BNC1: variants seen among roughly 807,000 people sequenced by gnomAD.
BNC1 encodes the protein zinc finger protein basonuclin-1.
BNC1 carries 8 observed loss-of-function variants against 66.5 expected under a neutral mutation model. That is an observed-to-expected ratio of 0.12 (90% confidence interval 0.07 to 0.22). The LOEUF (loss-of-function observed/expected upper bound fraction) is 0.22. Ranked by LOEUF, BNC1 falls within the 10% of genes least tolerant of loss-of-function variation. The pLI is 1.00. For synonymous variants in BNC1, 454 were observed against 452.6 expected, an observed-to-expected ratio of 1.00 and a Z score of -0.04; for missense variants, 1,069 against 1,241.3, an observed-to-expected ratio of 0.86 and a Z score of 2.09.
chr15:83,274,585 T>G (rs1434330339), intron 1 of BNC1, among the ~76,000 whole-genome samples: 3 of 152,174 alleles, frequency 2.0e-5, no homozygotes, highest in African/African-American at 4.8e-5. Context: ...GCATCTGCTT[T>G]TTGACGTGGT....
rs779346098 is a variant in BNC1, at chr15:83,263,273, G to C, written c.1978C>G (p.Pro660Ala). 1.9e-6 allele frequency: 3 copies of C among 1,614,210 alleles called. No homozygotes were observed. The highest frequency in any genetic ancestry group is 2.5e-6 in the Non-Finnish European group (3 of 1,180,036). The change falls in exon 4 of 5, where the codon CCT (proline) becomes GCT (alanine). Residue 660 changes from proline to alanine, a missense_variant. Physicochemically the swap from Pro to Ala is conservative, Grantham distance 27. Around this residue, in one of 7 missense-constraint regions of BNC1, gnomAD observed 657 missense variants for 715.8 expected, o/e 0.92. Coordinates refer to ENST00000345382, the MANE Select transcript of BNC1 (RefSeq NM_001717.4). ...EDGGHEHYFT[P>A]GMEPQVPFSD... ...AAAGGAACTTGGGGTTCCATCCCAG[G>C]TGTGAAGTAGTGTTCATGGCCACCA... is the stretch of plus-strand genomic sequence containing the variant.
chr15:83,284,501 C>T (rs2038423302), intron 1 of BNC1, 29 bp downstream of exon 1: 1 of 1,196,806 alleles, frequency 8.4e-7, no homozygotes, highest in African/African-American at 1.6e-5. Flanking sequence ...ACAGAGAATC[C>T]CCGCGCCCGC....
At position 83,257,616 on chromosome 15, in the gene BNC1, G is replaced by A. The variant is rs1157916634; in HGVS notation, c.2811C>T (p.Tyr937=). 1 of 1,614,148 alleles carries A rather than the reference G, an allele frequency of 6.2e-7. No homozygotes were observed. The highest frequency in any genetic ancestry group is 8.5e-7 in the Non-Finnish European group (1 of 1,180,028). The part of the protein sequence containing the change: ...PITCHLCQKT[Y]SNKGTFRAHY... ...GGGCCCTAAAGGTCCCTTTGTTACT[G>A]TATGTCTTTTGGCAGAGATGACAGG... is the stretch of plus-strand genomic sequence containing the variant. Residue 937 remains tyrosine (Y), a synonymous_variant, in exon 5 of 5, where the codon TAC becomes TAT. Transcript: ENST00000345382.
In BNC1 at chr15:83,263,727, G is replaced by C. The variant is rs1474909147; in HGVS notation, c.1524C>G (p.Leu508=). ...AAGAGGACAACAGCGGGAGGGAAGG[G>C]AGTATCCCAGGCGTGTTTGCTACCT... is the stretch of plus-strand genomic sequence containing the variant. The part of the protein sequence containing the change: ...PAEVANTPGI[L]PSLPLLSSSI... The change falls in exon 4 of 5, where the codon CTC becomes CTG. Residue 508 remains leucine, a synonymous_variant. Coordinates refer to ENST00000345382, the MANE Select transcript of BNC1 (RefSeq NM_001717.4). The C allele has an allele frequency of 1.2e-6, 2 of 1,614,250 alleles. No individual in the cohort carries two copies. Among genetic ancestry groups the C allele is most frequent in the Non-Finnish European group, 8.5e-7 (1 of 1,180,042 alleles).
intron 1 of BNC1, among the ~76,000 whole-genome samples, chr15:83,274,401 T>A (rs931513624): frequency 7.2e-5 from 11 of 152,122 alleles, no homozygotes; most frequent in Non-Finnish European, 1.3e-4. Context: ...AATAAATAAA[T>A]AAAATGTAAA....
At position 83,284,524 on chromosome 15, in the gene BNC1, G is replaced by A; in HGVS notation, c.99+6C>T. On this transcript the variant is annotated splice_donor_region_variant and intron_variant, in intron 1 of 4. Coordinates refer to ENST00000345382, the MANE Select transcript of BNC1 (RefSeq NM_001717.4). ...TCCCCGCGCCCGCGGAGGGCGCCGC[G>A]CTTACCTCGGCCATCCTGCGACCGC... 1.7e-6 allele frequency: 2 copies of A among 1,194,442 alleles called. No homozygotes were observed. Among genetic ancestry groups the A allele is most frequent in the South Asian group, 1.9e-5 (1 of 51,554 alleles). 74.0% of individuals were successfully genotyped at this position (1,194,442 alleles called of 1,614,324 possible).
intron 1 of BNC1, among the ~76,000 whole-genome samples, chr15:83,274,286 G>A (rs1260495801): frequency 6.6e-6 from 1 of 152,196 alleles, no homozygotes; most frequent in Admixed American, 6.5e-5. Flanking sequence ...AGGGGAGGCT[G>A]AGCCAGGAGA....
At chr15:83,277,536 C>T (rs1183943226) in intron 1 of BNC1, among the ~76,000 whole-genome samples, 2 of 152,160 alleles carry the variant, frequency 1.3e-5, no homozygotes, top group Non-Finnish European at 2.9e-5. Flanking sequence ...GTCTCTATCT[C>T]CTGACCTCAT....
chr15:83,264,630 G>T lies in BNC1; in HGVS notation c.621C>A (p.Phe207Leu). 6.2e-7 allele frequency: 1 copy of T among 1,614,182 alleles called. No individual in the cohort carries two copies. The highest frequency in any genetic ancestry group is 8.5e-7 in the Non-Finnish European group (1 of 1,180,036). ...AACTCCTGTGACTGCAGCTCTCGATGAAAGCCCTGATATCTACATTTGCTG... is the reference window on the plus strand; with the variant it reads ...AACTCCTGTGACTGCAGCTCTCGATTAAAGCCCTGATATCTACATTTGCTG... ...PSTANVDIRA[F>L]IESCSHRSSS... The change falls in exon 4 of 5, where the codon TTC becomes TTA. Residue 207 changes from phenylalanine to leucine, a missense_variant. Phe to Leu is a conservative substitution (Grantham distance 22). Around this residue, in one of 7 missense-constraint regions of BNC1, gnomAD observed 181 missense variants for 181.5 expected, o/e 1.00. Transcript: ENST00000345382.
intron 1 of BNC1, among the ~76,000 whole-genome samples, chr15:83,276,210 C>T (rs1413175257): frequency 6.6e-6 from 1 of 152,194 alleles, no homozygotes; most frequent in Non-Finnish European, 1.5e-5. Context: ...TTACTGCTGC[C>T]AGACCCACAA....
rs1351578318 is a variant in BNC1 at position 83,264,347 on chromosome 15, C to G, written c.904G>C (p.Asp302His). 19 of 1,613,982 alleles carry G rather than the reference C, an allele frequency of 1.2e-5. No homozygotes were observed. The highest frequency in any genetic ancestry group is 1.5e-5 in the Non-Finnish European group (18 of 1,180,032). Residue 302 changes from aspartate (D) to histidine (H), a missense_variant, in exon 4 of 5, where the codon GAT (aspartate) becomes CAT (histidine). By Grantham distance (81) the Asp-to-His change is moderately conservative (BLOSUM62 -1). Around this residue, in one of 7 missense-constraint regions of BNC1, gnomAD observed 181 missense variants for 181.5 expected, o/e 1.00. Transcript: ENST00000345382. ...GCATCCGGACAGTTTAAACACTGATCTTTTTCAACCTGAAATGGTGTGGAA... is the reference window on the plus strand; with the variant it reads ...GCATCCGGACAGTTTAAACACTGATGTTTTTCAACCTGAAATGGTGTGGAA... ...SSSTPFQVEKDQCLNCPDAIT... is the reference protein window; with the variant it reads ...SSSTPFQVEKHQCLNCPDAIT...
Position 83,284,553 on chromosome 15 carries a change from G to A in BNC1, c.76C>T (p.Arg26Cys), listed in dbSNP as rs1190682745. 8.7e-7 allele frequency: 1 copy of A among 1,149,236 alleles called. No individual in the cohort carries two copies. Among genetic ancestry groups the A allele is most frequent in the Non-Finnish European group, 1.1e-6 (1 of 930,660 alleles). The allele number at this position is 1,149,236 out of a possible 1,614,324, so 71.2% of individuals were successfully genotyped here. ...ARETRRQPRH[R>C]SGRRMAEAIS... ...ACCTCGGCCATCCTGCGACCGCTGC[G>A]GTGCCGGGGCTGCCGGCGCGTCTCC... Residue 26 changes from arginine to cysteine, a missense_variant, in exon 1 of 5, where the codon CGC becomes TGC. Around this residue, in one of 7 missense-constraint regions of BNC1, gnomAD observed 78 missense variants for 80.9 expected, o/e 0.96. Transcript: ENST00000345382.
chr15:83,276,235 G>C (rs1023626836), intron 1 of BNC1, among the ~76,000 whole-genome samples: 3 of 152,162 alleles, frequency 2.0e-5, no homozygotes, highest in Non-Finnish European at 4.4e-5. Flanking sequence ...TAAGTTCTTC[G>C]GTCTTCTGGG....
At chr15:83,276,829 T>C (rs2038327867) in intron 1 of BNC1, among the ~76,000 whole-genome samples, 1 of 152,220 alleles carries the variant, frequency 6.6e-6, no homozygotes, top group Non-Finnish European at 1.5e-5. Context: ...ATGCAGTTTC[T>C]AGTTTACACA....
At chr15:83,266,167 C>T (rs1210532130) in intron 3 of BNC1, among the ~76,000 whole-genome samples, 4 of 139,516 alleles carry the variant, frequency 2.9e-5, no homozygotes. Flanking sequence ...AACTACTCTG[C>T]AAAATAAAGA....
chr15:83,273,468 A>C (rs1354170583), intron 1 of BNC1, among the ~76,000 whole-genome samples: 1 of 152,238 alleles, frequency 6.6e-6, no homozygotes, highest in Non-Finnish European at 1.5e-5. Context: ...CATAAAGCAG[A>C]TGTTTACAAC....
intron 1 of BNC1, among the ~76,000 whole-genome samples, chr15:83,276,382 C>A (rs559128880): frequency 6.6e-6 from 1 of 152,198 alleles, no homozygotes; most frequent in Non-Finnish European, 1.5e-5. Flanking sequence ...TAGCACTGGG[C>A]CTGATACTTG....
rs761893885 is a variant in BNC1, at chr15:83,257,502, T to C, written c.2925A>G (p.Arg975=). The C allele has an allele frequency of 1.9e-6, 3 of 1,614,212 alleles. No individual in the cohort carries two copies. Among genetic ancestry groups the C allele is most frequent in the Non-Finnish European group, 2.5e-6 (3 of 1,180,042 alleles). ...TGTGCAGGTTGGGATTCTGGCTGTGTCTGTTTCGACTGCGAACAGACGAAA... is the reference window on the plus strand; with the variant it reads ...TGTGCAGGTTGGGATTCTGGCTGTGCCTGTTTCGACTGCGAACAGACGAAA... The part of the protein sequence containing the change: ...TMFSSVRSRN[R]HSQNPNLHKS... Residue 975 remains arginine (R), a synonymous_variant, in exon 5 of 5, where the codon AGA becomes AGG. Transcript: ENST00000345382.
chr15:83,283,952 C>T (rs1043278567), intron 1 of BNC1, among the ~76,000 whole-genome samples: 1 of 152,120 alleles, frequency 6.6e-6, no homozygotes, highest in Non-Finnish European at 1.5e-5. Flanking sequence ...CCGCAGTGGA[C>T]GGGAGCCTCC....
Sources: gnomAD v4.1 joint callset for allele counts (sites outside exome capture counted in the v4.1 genomes callset) on GRCh38, gnomAD v4.1.1 for gene constraint, gnomAD v4.1.1 regional missense constraint, MANE v1.5 for transcripts, NCBI Gene and HGNC (gene_info 2026-07-23, HGNC 2026-07-21) for gene names.